The following UGT1A4 variants were observed in gnomAD, a reference collection of about 807,000 sequenced individuals.
UGT1A4 encodes the protein UDP-glucuronosyltransferase 1A4.
In UGT1A4, 32 loss-of-function variants were observed where a neutral mutation model predicts 41.1. The observed-to-expected ratio is 0.78, with a 90% CI of 0.59 to 1.05. The LOEUF is 1.05. Among genes scored for constraint, UGT1A4 ranks in the 50% least tolerant of loss-of-function variants. UGT1A4 has a pLI of 0.00. For synonymous variants in UGT1A4, 283 were observed against 265.1 expected (o/e 1.07, Z -0.66); for missense variants, 748 against 677.4 (o/e 1.10, Z -1.16).
chr2:233,726,116 T>C (rs1575565636), intron 1 of UGT1A4, among the ~76,000 whole-genome samples: 1 of 152,166 alleles, frequency 6.6e-6, no homozygotes, highest in East Asian at 1.9e-4. Flanking sequence ...CAGTGTGCCA[T>C]GTTCACACCA....
chr2:233,754,737 G>A lies in UGT1A4; in HGVS notation c.868-12297G>A, dbSNP rs1218911837. 3 of 665,250 alleles carry A rather than the reference G, an allele frequency of 4.5e-6. No homozygotes were observed. In the East Asian group the frequency reaches 2.0e-4, roughly 44 times the overall value. The allele number at this position is 665,250 out of a possible 1,614,324, so 41.2% of individuals were successfully genotyped here. A position where few individuals can be genotyped will look rare whatever the true frequency, so the allele number is the denominator to read the frequency against. On this transcript the variant is annotated intron_variant, in intron 1 of 4. Transcript: ENST00000373409. Reference sequence around the variant, plus strand: ...GCTGCCTGTCCCATCACTACCGTAGGACATGCAGAAGGAAGAAAGGCCCCC... The same window carrying A: ...GCTGCCTGTCCCATCACTACCGTAGAACATGCAGAAGGAAGAAAGGCCCCC...
chr2:233,743,990 C>A lies in UGT1A4; in HGVS notation c.868-23044C>A, dbSNP rs541433916. 65 of 1,267,322 alleles carry A rather than the reference C, an allele frequency of 5.1e-5. No homozygotes were observed. In the African/African-American group the frequency reaches 6.0e-4, roughly 12 times the overall value. 78.5% of individuals were successfully genotyped at this position (1,267,322 alleles called of 1,614,324 possible). On this transcript the variant is annotated intron_variant, in intron 1 of 4. Transcript: ENST00000373409. ...GGCTGCCAGCACCCAGGCGCAGGCC[C>A]GAGTGCTCGGAGACCTGGGCCGCCT...
chr2:233,760,243 T>TAC (rs1697369137), intron 1 of UGT1A4: 1 of 1,608,014 alleles, frequency 6.2e-7, no homozygotes, highest in African/African-American at 1.3e-5. Flanking sequence ...CATATATATA[T>TAC]ATATAAGTAG....
chr2:233,772,910 T>G lies in UGT1A4; in HGVS notation c.*351T>G, dbSNP rs1169260027. 5.1e-6 allele frequency: 2 copies of G among 393,790 alleles called. No individual in the cohort carries two copies. Among genetic ancestry groups the G allele is most frequent in the Non-Finnish European group, 8.9e-6 (2 of 225,424 alleles). The allele number at this position is 393,790 out of a possible 1,614,324, so 24.4% of individuals were successfully genotyped here. A position where few individuals can be genotyped will look rare whatever the true frequency, so the allele number is the denominator to read the frequency against. On this transcript the variant is annotated 3_prime_UTR_variant, in exon 5 of 5. Transcript: ENST00000373409. ...AAGGTGGTCCCACGGCTGCCCCTAC[T>G]GCAAATGGCAGTTTTAATCTTATCT...
chr2:233,760,682 A>G lies in UGT1A4; in HGVS notation c.868-6352A>G. On this transcript the variant is annotated intron_variant, in intron 1 of 4. Transcript: ENST00000373409. ...TTGTCTGGCTGTTCCCACTTACTGC[A>G]CAACAAGGAGCTCATGGCCTCCCTG... The G allele has an allele frequency of 6.2e-7, 1 of 1,614,208 alleles. No homozygotes were observed. The highest frequency in any genetic ancestry group is 1.1e-5 in the South Asian group (1 of 91,088).
At chr2:233,734,322 A>G (rs1391524851) in intron 1 of UGT1A4, among the ~76,000 whole-genome samples, 1 of 152,110 alleles carries the variant, frequency 6.6e-6, no homozygotes, top group Non-Finnish European at 1.5e-5. Flanking sequence ...AGACGTATTT[A>G]TAGTATTCTC....
rs763166349 is a variant in UGT1A4, at chr2:233,729,716, T to C, written c.867+10029T>C. On this transcript the variant is annotated intron_variant, in intron 1 of 4. Coordinates refer to ENST00000373409, the MANE Select transcript of UGT1A4 (RefSeq NM_007120.3). ...AACCCTTCCTCCTATATTCCTAGAT[T>C]ACTAACAACCAATTCAGACCACATG... 5.6e-6 allele frequency: 9 copies of C among 1,613,852 alleles called. No individual in the cohort carries two copies. The African/African-American group carries it at 9.3e-5, about 17-fold the overall frequency.
intron 1 of UGT1A4, chr2:233,722,212 AT>A (rs2077000405): frequency 6.5e-6 from 1 of 153,656 alleles, no homozygotes; most frequent in African/African-American, 2.4e-5. Context: ...ATGAAAGATC[AT>A]TTACACCAAA....
In UGT1A4 at chr2:233,760,894, CACATGACCTTCCTGCAGCGGGTGA is replaced by C. The variant is rs1553620849; in HGVS notation, c.868-6138_868-6115del. ...CAGGCCTCTCTCCTCTCATTCAGAT[CACATGACCTTCCTGCAGCGGGTGA>C]AGAACATGCTCATTGCCTTTTCACA... On this transcript the variant is annotated intron_variant, in intron 1 of 4. Coordinates refer to ENST00000373409, the MANE Select transcript of UGT1A4 (RefSeq NM_007120.3). The C allele has an allele frequency of 3.1e-6, 5 of 1,614,174 alleles. No homozygotes were observed. The highest frequency in any genetic ancestry group is 1.7e-5 in the Admixed American group (1 of 60,026).
chr2:233,747,879 C>A (rs186049008), intron 1 of UGT1A4: 15 of 1,613,516 alleles, frequency 9.3e-6, no homozygotes, highest in African/African-American at 4.0e-5. Context: ...CCTGTCCTAC[C>A]TTTGCCATGC....
At chr2:233,760,687 A>C in intron 1 of UGT1A4, 1 of 1,614,232 alleles carries the variant, frequency 6.2e-7, no homozygotes, top group Non-Finnish European at 8.5e-7. Context: ...ACTGCACAAC[A>C]AGGAGCTCAT....
intron 1 of UGT1A4, chr2:233,729,832 T>G (rs1469458626): frequency 1.2e-6 from 2 of 1,613,822 alleles, no homozygotes; most frequent in African/African-American, 1.3e-5. Context: ...AAGCCTTGCC[T>G]CTGAGCTTTT....
intron 1 of UGT1A4, among the ~76,000 whole-genome samples, chr2:233,758,095 C>A (rs1037336650): frequency 2.0e-5 from 3 of 152,150 alleles, no homozygotes; most frequent in Non-Finnish European, 2.9e-5. Context: ...ATAGTGACTG[C>A]CATCCAGTAG....
At chr2:233,734,058 T>C (rs887358519) in intron 1 of UGT1A4, among the ~76,000 whole-genome samples, 3 of 152,142 alleles carry the variant, frequency 2.0e-5, no homozygotes, top group Non-Finnish European at 4.4e-5. Context: ...TATACATATG[T>C]AACAAACCTG....
intron 1 of UGT1A4, among the ~76,000 whole-genome samples, chr2:233,735,786 T>C (rs1470873966): frequency 1.3e-5 from 2 of 152,218 alleles, no homozygotes; most frequent in Non-Finnish European, 2.9e-5. Context: ...TTTGGCTGCA[T>C]ATGAATTTCT....
At chr2:233,725,472 G>A (rs2125714310) in intron 1 of UGT1A4, among the ~76,000 whole-genome samples, 1 of 152,100 alleles carries the variant, frequency 6.6e-6, no homozygotes, top group East Asian at 1.9e-4. Context: ...TAGTGGGCAT[G>A]TTAGAAACCA....
At chr2:233,742,280 A>G (rs1486280024) in intron 1 of UGT1A4, among the ~76,000 whole-genome samples, 2 of 152,020 alleles carry the variant, frequency 1.3e-5, no homozygotes, top group Non-Finnish European at 2.9e-5. Flanking sequence ...GATAAGCATC[A>G]TTTCTATAGA....
At chr2:233,763,469 A>G (rs1698318094) in intron 1 of UGT1A4, among the ~76,000 whole-genome samples, 1 of 152,180 alleles carries the variant, frequency 6.6e-6, no homozygotes, top group South Asian at 2.1e-4. Flanking sequence ...CTAACAATTA[A>G]TAGATTTGAT....
chr2:233,742,455 G>T (rs1191068486), intron 1 of UGT1A4, among the ~76,000 whole-genome samples: 6 of 151,916 alleles, frequency 3.9e-5, no homozygotes, highest in African/African-American at 1.5e-4. Context: ...GGTGTTCCTT[G>T]CCCTTATTCC....
Sources: allele counts gnomAD v4.1 joint callset (sites outside exome capture counted in the v4.1 genomes callset), GRCh38; gene constraint gnomAD v4.1.1; transcripts MANE v1.5; gene names NCBI Gene and HGNC (gene_info 2026-07-23, HGNC 2026-07-21).